Variants in SEPTIN4 observed in about 807,000 individuals in gnomAD.
SEPTIN4 encodes septin 4.
In SEPTIN4, 52 loss-of-function variants were observed where a neutral mutation model predicts 107.1. That is an observed-to-expected ratio of 0.49 (90% confidence interval 0.39 to 0.61). The LOEUF (loss-of-function observed/expected upper bound fraction) is 0.61. Ranked by LOEUF, SEPTIN4 falls within the 20% of genes least tolerant of loss-of-function variation. The pLI is 0.00. For missense variants in SEPTIN4, 1,048 were observed against 1,243.5 expected (o/e 0.84, Z 2.36); for synonymous variants, 417 against 467.0 (o/e 0.89, Z 1.38).
At position 58,538,260 on chromosome 17, in the gene SEPTIN4, A is replaced by G. The variant is rs1265028841; in HGVS notation, c.1614+2406T>C. ...TTCAAAAGCCAACAGGAGGCTGATC[A>G]TCCCATCCCTTCAGGGTCACATGAC... On this transcript the variant is annotated intron_variant, in intron 3 of 13. Coordinates refer to ENST00000672673, the MANE Select transcript of SEPTIN4 (RefSeq NM_001368771.2). This position sits in a 1 kb window ranked among gnomAD's most constrained non-coding sequence, Gnocchi z 4.7. Among the ~76,000 whole-genome samples the G allele has an allele frequency of 1.3e-5, 2 of 152,194 alleles. No homozygotes were observed. Among genetic ancestry groups the G allele is most frequent in the African/African-American group, 4.8e-5 (2 of 41,448 alleles).
intron 3 of SEPTIN4, chr17:58,531,961 C>T: frequency 8.7e-7 from 1 of 1,149,062 alleles, no homozygotes; most frequent in East Asian, 4.3e-5. Context: ...CCTGCCTTAC[C>T]ATGGCTGCAG....
rs762734189 is a variant in SEPTIN4, at chr17:58,521,380, C to T, written c.2572-30G>A. 1 of 1,603,950 alleles carries T rather than the reference C, an allele frequency of 6.2e-7. No homozygotes were observed. Among genetic ancestry groups the T allele is most frequent in the Non-Finnish European group, 8.5e-7 (1 of 1,170,760 alleles). On this transcript the variant is annotated intron_variant, in intron 10 of 13. Transcript: ENST00000672673. This position sits in a 1 kb window ranked among gnomAD's most constrained non-coding sequence, Gnocchi z 6.4. ...AAGAGGTTAGGGGTGCCTGTCAGCA[C>T]CCTCTGTTCTCACCTCTTTCTTTCC... is the stretch of plus-strand genomic sequence containing the variant.
rs1291570885 is a variant in SEPTIN4, at chr17:58,525,781, C to A, written c.2006G>T (p.Gly669Val). The change falls in exon 6 of 14, where the codon GGA (glycine) becomes GTA (valine). Residue 669 changes from glycine to valine, a missense_variant and splice_region_variant. Physicochemically the swap from Gly to Val is moderately radical, Grantham distance 109 (BLOSUM62 -3). Coordinates refer to ENST00000672673, the MANE Select transcript of SEPTIN4 (RefSeq NM_001368771.2). ...TGTGGATTTGCCCAGGCCAGACTCTCCTGAGAGGAGAGAGGACAGAGGCAC... is the reference window on the plus strand; with the variant it reads ...TGTGGATTTGCCCAGGCCAGACTCTACTGAGAGGAGAGAGGACAGAGGCAC... Reference protein sequence around the residue: ...KGFDFTLMVAGESGLGKSTLV... With the variant: ...KGFDFTLMVAVESGLGKSTLV... 1 of 1,613,584 alleles carries A rather than the reference C, an allele frequency of 6.2e-7. No homozygotes were observed. Among genetic ancestry groups the A allele is most frequent in the Non-Finnish European group, 8.5e-7 (1 of 1,179,506 alleles).
chr17:58,542,799 T>C lies in SEPTIN4; in HGVS notation c.1388A>G (p.Lys463Arg). 6.2e-7 allele frequency: 1 copy of C among 1,614,132 alleles called. No homozygotes were observed. The highest frequency in any genetic ancestry group is 8.5e-7 in the Non-Finnish European group (1 of 1,180,016). ...PSLDLLLSGFKIDSSPFCEDL... is the reference protein window; with the variant it reads ...PSLDLLLSGFRIDSSPFCEDL... Reference sequence around the variant, plus strand: ...CTCACAGAAAGGGCTAGAGTCTATTTTAAAACCGGACAATAAAAGATCTAG... The same window carrying C: ...CTCACAGAAAGGGCTAGAGTCTATTCTAAAACCGGACAATAAAAGATCTAG... Residue 463 changes from lysine to arginine, a missense_variant, in exon 1 of 14, where the codon AAA becomes AGA. Coordinates refer to ENST00000672673, the MANE Select transcript of SEPTIN4 (RefSeq NM_001368771.2).
chr17:58,542,839 T>C lies in SEPTIN4; in HGVS notation c.1348A>G (p.Lys450Glu). 6.2e-7 allele frequency: 1 copy of C among 1,614,154 alleles called. No homozygotes were observed. Among genetic ancestry groups the C allele is most frequent in the Non-Finnish European group, 8.5e-7 (1 of 1,180,032 alleles). ...AAAAGATCTAGGGAAGGAGAGCACT[T>C]AGGCTCAAAATCCGGTGTTGTCAGC... is the stretch of plus-strand genomic sequence containing the variant. The part of the protein sequence containing the change: ...SQLTTPDFEP[K>E]CSPSLDLLLS... The change falls in exon 1 of 14, where the codon AAG (lysine) becomes GAG (glutamate). Residue 450 changes from lysine to glutamate, a missense_variant. Physicochemically the swap from Lys to Glu is moderately conservative, Grantham distance 56 (BLOSUM62 1). Coordinates refer to ENST00000672673, the MANE Select transcript of SEPTIN4 (RefSeq NM_001368771.2).
rs977283664 is a variant in SEPTIN4, at chr17:58,538,603, C to A, written c.1614+2063G>T. ...GTGACCCATTAGGGCACCCTCAGGA[C>A]CTTCCTGTTGAGCTTTTGCTAGTTC... On this transcript the variant is annotated intron_variant, in intron 3 of 13. Coordinates refer to ENST00000672673, the MANE Select transcript of SEPTIN4 (RefSeq NM_001368771.2). The surrounding 1 kb of genome is among the most constrained non-coding windows in gnomAD (Gnocchi z 4.7). Among the ~76,000 whole-genome samples the A allele has an allele frequency of 2.0e-5, 3 of 152,154 alleles. No individual in the cohort carries two copies. Among genetic ancestry groups the A allele is most frequent in the Non-Finnish European group, 4.4e-5 (3 of 68,024 alleles).
intron 7 of SEPTIN4, 93 bp from the exon 8 acceptor site, chr17:58,522,194 G>C: frequency 6.7e-7 from 1 of 1,496,700 alleles, no homozygotes; most frequent in Admixed American, 1.8e-5. Context: ...TCCCTGAGCA[G>C]TGTTTTTAAG....
intron 3 of SEPTIN4, among the ~76,000 whole-genome samples, chr17:58,532,708 G>A (rs569332917): frequency 6.6e-6 from 1 of 152,328 alleles, no homozygotes; most frequent in East Asian, 1.9e-4. Flanking sequence ...CCTTGCCTGT[G>A]GCTGAGGACA....
intron 3 of SEPTIN4, among the ~76,000 whole-genome samples, chr17:58,535,637 C>G (rs902979755): frequency 6.6e-6 from 1 of 152,226 alleles, no homozygotes. Flanking sequence ...TTTGCTGACT[C>G]ATTTCATTGG....
intron 3 of SEPTIN4, chr17:58,531,262 C>T (rs2043434465): frequency 6.6e-6 from 1 of 152,422 alleles, no homozygotes; most frequent in Non-Finnish European, 1.5e-5. Context: ...GGTGCCCCCA[C>T]CCCCACACAC....
In SEPTIN4 at chr17:58,542,877, G is replaced by T; in HGVS notation, c.1310C>A (p.Thr437Lys). The T allele has an allele frequency of 6.2e-7, 1 of 1,614,182 alleles. No individual in the cohort carries two copies. Among genetic ancestry groups the T allele is most frequent in the Non-Finnish European group, 8.5e-7 (1 of 1,180,030 alleles). Reference sequence around the variant, plus strand: ...CGGTGTTGTCAGCTGGCTTTGGGGTGTTTCAACTTCAGGATTCAGCAAGGG... The same window carrying T: ...CGGTGTTGTCAGCTGGCTTTGGGGTTTTTCAACTTCAGGATTCAGCAAGGG... ...WWPLLNPEVETPQSQLTTPDF... is the reference protein window; with the variant it reads ...WWPLLNPEVEKPQSQLTTPDF... Residue 437 changes from threonine (T) to lysine (K), a missense_variant, in exon 1 of 14, where the codon ACA becomes AAA. By Grantham distance (78) the Thr-to-Lys change is moderately conservative (BLOSUM62 -1). Coordinates refer to ENST00000672673, the MANE Select transcript of SEPTIN4 (RefSeq NM_001368771.2).
chr17:58,523,937 A>G (rs1035176206), intron 7 of SEPTIN4, among the ~76,000 whole-genome samples: 1 of 152,160 alleles, frequency 6.6e-6, no homozygotes, highest in African/African-American at 2.4e-5. Flanking sequence ...GACAAAATGA[A>G]TATATATGGA....
At chr17:58,542,497 G>C in intron 1 of SEPTIN4, 129 bp downstream of exon 1, 1 of 1,276,332 alleles carries the variant, frequency 7.8e-7, no homozygotes, top group Non-Finnish European at 1.1e-6. Context: ...CTCAAGGATA[G>C]GACTAGCTTT....
In SEPTIN4 at chr17:58,520,307, G is replaced by C; in HGVS notation, c.*119C>G. 1 of 843,454 alleles carries C rather than the reference G, an allele frequency of 1.2e-6. No homozygotes were observed. The highest frequency in any genetic ancestry group is 2.6e-5 in the East Asian group (1 of 37,964). The allele number at this position is 843,454 out of a possible 1,614,324, so 52.2% of individuals were successfully genotyped here. A position where few individuals can be genotyped will look rare whatever the true frequency, so the allele number is the denominator to read the frequency against. On this transcript the variant is annotated 3_prime_UTR_variant, in exon 14 of 14. Coordinates refer to ENST00000672673, the MANE Select transcript of SEPTIN4 (RefSeq NM_001368771.2). ...TTTCCTCTGAGTCTCTGGGCAGTCA[G>C]CAGGGATGTAAGGCGAAGTGGCAGT...
intron 3 of SEPTIN4, 114 bp downstream of exon 3, chr17:58,540,552 T>C (rs1044516287): frequency 8.7e-6 from 7 of 802,546 alleles, no homozygotes; most frequent in African/African-American, 1.8e-5. Context: ...TGCCCAACCA[T>C]AGGGAGCAGC....
In SEPTIN4 at chr17:58,542,765, C is replaced by A. The variant is rs1251328404; in HGVS notation, c.1422G>T (p.Lys474Asn). ...ATAGGCTTGCCTTCTCTCTCTGGAA[C>A]TTCAGATCCTCACAGAAAGGGCTAG... The part of the protein sequence containing the change: ...IDSSPFCEDL[K>N]FQREKASLSP... The change falls in exon 1 of 14, where the codon AAG (lysine) becomes AAT (asparagine). Residue 474 changes from lysine to asparagine, a missense_variant. Coordinates refer to ENST00000672673, the MANE Select transcript of SEPTIN4 (RefSeq NM_001368771.2). 1.2e-6 allele frequency: 2 copies of A among 1,614,064 alleles called. No individual in the cohort carries two copies. The highest frequency in any genetic ancestry group is 1.3e-5 in the African/African-American group (1 of 74,924).
intron 1 of SEPTIN4, among the ~76,000 whole-genome samples, chr17:58,542,227 C>G (rs959030838): frequency 3.3e-5 from 5 of 152,208 alleles, no homozygotes. Flanking sequence ...ATCCCACCCT[C>G]TCCACTTTGT....
chr17:58,529,303 C>T, intron 3 of SEPTIN4: 1 of 1,559,492 alleles, frequency 6.4e-7, no homozygotes. Flanking sequence ...TGCTCCTTTC[C>T]CTTTCTCTTT....
At chr17:58,522,262 G>A (rs894350573) in intron 7 of SEPTIN4, among the ~76,000 whole-genome samples, 161 bp from the exon 8 acceptor site, 17 of 152,142 alleles carry the variant, frequency 1.1e-4, no homozygotes, top group Admixed American at 2.6e-4. Context: ...TGAATGGGGT[G>A]GGGTGTATCT....
Sources: allele counts gnomAD v4.1 joint callset (sites outside exome capture counted in the v4.1 genomes callset), GRCh38; gene constraint gnomAD v4.1.1; non-coding constraint Gnocchi (gnomAD v3.1); transcripts MANE v1.5; gene names NCBI Gene and HGNC (gene_info 2026-07-23, HGNC 2026-07-21).